Variants in SEC22B observed in about 807,000 individuals in gnomAD.
SEC22B encodes the protein SEC22 homolog B, vesicle trafficking protein, also known as vesicle-trafficking protein SEC22b.
In SEC22B, 10 loss-of-function variants were observed where a neutral mutation model predicts 31.4. The observed-to-expected ratio is 0.32, with a 90% confidence interval of 0.20 to 0.54. The LOEUF is 0.54. Ranked by LOEUF, SEC22B falls within the 20% of genes least tolerant of loss-of-function variation. The pLI is 0.94. For missense variants in SEC22B, 130 were observed against 263.4 expected (o/e 0.49, Z 3.50); for synonymous variants, 60 against 95.9 (o/e 0.63, Z 2.19).
At chr1:120,175,603 G>A (rs1324930371) in intron 1 of SEC22B, among the ~76,000 whole-genome samples, 1 of 152,168 alleles carries the variant, frequency 6.6e-6, no homozygotes, top group Admixed American at 6.5e-5. Flanking sequence ...TGGAGTTAGT[G>A]CTGTTTTTAA....
At chr1:120,174,329 T>A (rs1376330848) in intron 1 of SEC22B, among the ~76,000 whole-genome samples, 1 of 152,308 alleles carries the variant, frequency 6.6e-6, no homozygotes, top group African/African-American at 2.4e-5. Flanking sequence ...ATGTTCTGTA[T>A]ACTATTAAAA....
intron 2 of SEC22B, among the ~76,000 whole-genome samples, chr1:120,167,155 C>T (rs1239318748): frequency 6.0e-5 from 9 of 150,400 alleles, no homozygotes; most frequent in Non-Finnish European, 1.0e-4. Context: ...TTTTAGTCTA[C>T]ACCATCTTCT....
chr1:120,160,457 A>G lies in SEC22B; in HGVS notation c.420T>C (p.Thr140=). ...TGATCCTCTGCACATCTTGCAATTC[A>G]GTGTTGATGGAGCCTAGATTTCTTC... The part of the protein sequence containing the change: ...RARRNLGSIN[T]ELQDVQRIMV... The change falls in exon 4 of 5, where the codon ACT becomes ACC. Residue 140 remains threonine (T), a synonymous_variant. Transcript: ENST00000578049. 6.2e-7 allele frequency: 1 copy of G among 1,612,126 alleles called. No homozygotes were observed. Among genetic ancestry groups the G allele is most frequent in the Non-Finnish European group, 8.5e-7 (1 of 1,178,788 alleles).
chr1:120,156,989 C>T lies in SEC22B; in HGVS notation c.*49G>A. On this transcript the variant is annotated 3_prime_UTR_variant, in exon 5 of 5. Coordinates refer to ENST00000578049, the MANE Select transcript of SEC22B (RefSeq NM_004892.6). ...GTGAGCTCAGTTTCCTGAAAATATACACCTACTGGGTTCTAGGTTCTCCCT... is the reference window on the plus strand; with the variant it reads ...GTGAGCTCAGTTTCCTGAAAATATATACCTACTGGGTTCTAGGTTCTCCCT... 7.0e-6 allele frequency: 5 copies of T among 712,806 alleles called. No individual in the cohort carries two copies. The East Asian group carries it at 8.7e-5, about 12-fold the overall frequency. 44.2% of individuals were successfully genotyped at this position (712,806 alleles called of 1,614,324 possible). A position where few individuals can be genotyped will look rare whatever the true frequency, so the allele number is the denominator to read the frequency against.
chr1:120,176,392 T>C lies in SEC22B; in HGVS notation c.-11A>G. On this transcript the variant is annotated 5_prime_UTR_variant, in exon 1 of 5. Transcript: ENST00000578049. The stretch of plus-strand genomic sequence containing the variant: ...TGTTAGCAACACCATCTTCACAAAC[T>C]ACAGGGATCCAACACTGGCCCGGAA... The C allele has an allele frequency of 6.2e-7, 1 of 1,613,470 alleles. No homozygotes were observed.
Position 120,151,780 on chromosome 1 carries a change from G to A in SEC22B, c.*5258C>T, listed in dbSNP as rs1249317326. On this transcript the variant is annotated 3_prime_UTR_variant, in exon 5 of 5. Coordinates refer to ENST00000578049, the MANE Select transcript of SEC22B (RefSeq NM_004892.6). ...CAAGAATCCATGTTAAAGTTAATGAGGGCTTGAACCCAAACATAAAGGATG... is the reference window on the plus strand; with the variant it reads ...CAAGAATCCATGTTAAAGTTAATGAAGGCTTGAACCCAAACATAAAGGATG... The A allele has an allele frequency of 2.6e-5, 4 of 151,722 alleles. No homozygotes were observed. The highest frequency in any genetic ancestry group is 5.9e-5 in the Non-Finnish European group (4 of 67,972). The allele number at this position is 151,722 out of a possible 1,614,324, so 9.4% of individuals were successfully genotyped here.
In SEC22B at chr1:120,156,719, G is replaced by A. The variant is rs1244593491; in HGVS notation, c.*319C>T. 1.2e-4 allele frequency: 23 copies of A among 191,538 alleles called. No individual in the cohort carries two copies. The highest frequency in any genetic ancestry group is 4.9e-4 in the African/African-American group (21 of 42,690). 11.9% of individuals were successfully genotyped at this position (191,538 alleles called of 1,614,324 possible). A position where few individuals can be genotyped will look rare whatever the true frequency, so the allele number is the denominator to read the frequency against. ...AAATCTCATTGATGGCTCCATCAGAGAATGAGAATGCCCCAGCCAGTGCTG... is the reference window on the plus strand; with the variant it reads ...AAATCTCATTGATGGCTCCATCAGAAAATGAGAATGCCCCAGCCAGTGCTG... On this transcript the variant is annotated 3_prime_UTR_variant, in exon 5 of 5. Transcript: ENST00000578049.
At chr1:120,170,166 AT>A (rs1185585505) in intron 1 of SEC22B, among the ~76,000 whole-genome samples, 1 of 139,876 alleles carries the variant, frequency 7.1e-6, no homozygotes, top group Non-Finnish European at 1.5e-5. Context: ...AATTTATGGT[AT>A]TTTGTATAGT....
At chr1:120,166,480 G>C (rs1657813198) in intron 2 of SEC22B, among the ~76,000 whole-genome samples, 1 of 148,708 alleles carries the variant, frequency 6.7e-6, no homozygotes, top group African/African-American at 2.6e-5. Context: ...ATCATTAGCA[G>C]CAACATGGAT....
At position 120,155,203 on chromosome 1, in the gene SEC22B, G is replaced by A. The variant is rs1374189835; in HGVS notation, c.*1835C>T. On this transcript the variant is annotated 3_prime_UTR_variant, in exon 5 of 5. Transcript: ENST00000578049. ...CTAGATAACAAAACTTCACACTGAA[G>A]TGAACATTCTACAAGTATTTATTTC... The A allele has an allele frequency of 6.6e-6, 1 of 152,040 alleles. No individual in the cohort carries two copies. Among genetic ancestry groups the A allele is most frequent in the Non-Finnish European group, 1.5e-5 (1 of 67,968 alleles). 9.4% of individuals were successfully genotyped at this position (152,040 alleles called of 1,614,324 possible). A position where few individuals can be genotyped will look rare whatever the true frequency, so the allele number is the denominator to read the frequency against.
rs1178874703 is a variant in SEC22B, at chr1:120,154,220, A to G, written c.*2818T>C. ...GGTATTTATTTGACCTCTTGGTGGTAATATAGCGTAAGAGCACAGACTCTG... is the reference window on the plus strand; with the variant it reads ...GGTATTTATTTGACCTCTTGGTGGTGATATAGCGTAAGAGCACAGACTCTG... On this transcript the variant is annotated 3_prime_UTR_variant, in exon 5 of 5. Transcript: ENST00000578049. 1 of 152,062 alleles carries G rather than the reference A, an allele frequency of 6.6e-6. No individual in the cohort carries two copies. The highest frequency in any genetic ancestry group is 1.5e-5 in the Non-Finnish European group (1 of 67,966). 9.4% of individuals were successfully genotyped at this position (152,062 alleles called of 1,614,324 possible).
rs1194504800 is a variant in SEC22B, at chr1:120,154,077, T to C, written c.*2961A>G. On this transcript the variant is annotated 3_prime_UTR_variant, in exon 5 of 5. Coordinates refer to ENST00000578049, the MANE Select transcript of SEC22B (RefSeq NM_004892.6). ...AGAGTAGTTCTATGTCTTTACTTCC[T>C]AGTGGTTTACACACTCTTTAACCCA... 6.6e-6 allele frequency: 1 copy of C among 151,858 alleles called. No individual in the cohort carries two copies. The highest frequency in any genetic ancestry group is 1.5e-5 in the Non-Finnish European group (1 of 67,896). 9.4% of individuals were successfully genotyped at this position (151,858 alleles called of 1,614,324 possible).
At chr1:120,170,582 G>C (rs1353732472) in intron 1 of SEC22B, among the ~76,000 whole-genome samples, 1 of 151,756 alleles carries the variant, frequency 6.6e-6, no homozygotes, top group African/African-American at 2.4e-5. Context: ...GTATTAGTTT[G>C]TAGATTTATC....
Position 120,176,499 on chromosome 1 carries a change from C to T in SEC22B, c.-118G>A, listed in dbSNP as rs1553230239. The T allele has an allele frequency of 9.5e-4, 844 of 889,338 alleles. 7 individuals are homozygous for T. In the African/African-American group the frequency reaches 0.013, roughly 14 times the overall value. 55.1% of individuals were successfully genotyped at this position (889,338 alleles called of 1,614,324 possible). On this transcript the variant is annotated 5_prime_UTR_variant, in exon 1 of 5. Coordinates refer to ENST00000578049, the MANE Select transcript of SEC22B (RefSeq NM_004892.6). ...CAGTTACCGGAGATCCAGCTGCTTG[C>T]GTCTCCGCTTCCCGCTGAGGTGGCC...
intron 3 of SEC22B, among the ~76,000 whole-genome samples, chr1:120,161,258 T>C (rs1305073421): frequency 2.6e-5 from 4 of 152,202 alleles, no homozygotes; most frequent in Non-Finnish European, 4.4e-5. Context: ...CAGCCTAACA[T>C]GGCAAAAGGG....
At chr1:120,169,437 G>A (rs1216729691) in intron 1 of SEC22B, among the ~76,000 whole-genome samples, 1 of 152,306 alleles carries the variant, frequency 6.6e-6, no homozygotes, top group East Asian at 1.9e-4. Flanking sequence ...AAATTATTAC[G>A]AACACTTTGA....
intron 3 of SEC22B, among the ~76,000 whole-genome samples, chr1:120,161,021 G>A (rs1234944265): frequency 2.0e-5 from 3 of 152,162 alleles, no homozygotes; most frequent in Admixed American, 6.5e-5. Flanking sequence ...AGATGTAAAG[G>A]TATAATTAGA....
At position 120,153,288 on chromosome 1, in the gene SEC22B, G is replaced by A. The variant is rs1553228966; in HGVS notation, c.*3750C>T. On this transcript the variant is annotated 3_prime_UTR_variant, in exon 5 of 5. Transcript: ENST00000578049. ...ACCAAACAAAAGAAAAACCCACCAG[G>A]TAGGAGTCAGTTAGTTCTGCTAACT... 6.7e-6 allele frequency: 1 copy of A among 149,096 alleles called. No individual in the cohort carries two copies. Among genetic ancestry groups the A allele is most frequent in the Admixed American group, 6.6e-5 (1 of 15,122 alleles). 9.2% of individuals were successfully genotyped at this position (149,096 alleles called of 1,614,324 possible). A position where few individuals can be genotyped will look rare whatever the true frequency, so the allele number is the denominator to read the frequency against.
intron 3 of SEC22B, among the ~76,000 whole-genome samples, chr1:120,161,253 T>A (rs1345612022): frequency 6.6e-6 from 1 of 152,178 alleles, no homozygotes; most frequent in Non-Finnish European, 1.5e-5. Context: ...TATTACAGCC[T>A]AACATGGCAA....
Sources: allele counts gnomAD v4.1 joint callset (sites outside exome capture counted in the v4.1 genomes callset), GRCh38; gene constraint gnomAD v4.1.1; transcripts MANE v1.5; gene names NCBI Gene and HGNC (gene_info 2026-07-23, HGNC 2026-07-21).